STX7: variants seen among roughly 807,000 people sequenced by gnomAD.
STX7 encodes the protein syntaxin-7.
STX7 carries 34 observed loss-of-function variants against 39.6 expected under a neutral mutation model. That is an observed-to-expected ratio of 0.86 (90% CI 0.65 to 1.14). The LOEUF is 1.14. Among genes scored for constraint, STX7 ranks in the 50% most tolerant of loss-of-function variants. The pLI, the probability that STX7 is intolerant of heterozygous loss-of-function variation, is 0.00. For missense variants in STX7, 284 were observed against 310.4 expected (o/e 0.92, Z 0.64); for synonymous variants, 119 against 99.1 (o/e 1.20, Z -1.19).
chr6:132,461,890 C>T, intron 9 of STX7: 3 of 1,526,890 alleles, frequency 2.0e-6, no homozygotes, highest in South Asian at 1.2e-5. Flanking sequence ...TGTAAATTTA[C>T]TTTGTGTCAA....
chr6:132,495,141 C>G lies in STX7; in HGVS notation c.85+8305G>C, dbSNP rs533233630. On this transcript the variant is annotated intron_variant, in intron 2 of 9. Coordinates refer to ENST00000367941, the MANE Select transcript of STX7 (RefSeq NM_003569.3). ...AGATAGGAGAGTGAGGGATAAAGCT[C>G]CTTGAAGCATCTTGGAGCCACATCT... is the stretch of plus-strand genomic sequence containing the variant. Among the ~76,000 whole-genome samples the G allele has an allele frequency of 1.4e-4, 22 of 152,232 alleles. No individual in the cohort carries two copies. In the South Asian group the frequency reaches 1.5e-3, roughly 10 times the overall value.
chr6:132,462,346 G>A (rs1157662341), intron 9 of STX7, among the ~76,000 whole-genome samples: 2 of 152,196 alleles, frequency 1.3e-5, no homozygotes, highest in East Asian at 1.9e-4. Flanking sequence ...TCGGGAGCTG[G>A]GGGAATTAAG....
At chr6:132,484,987 G>C (rs1356475510) in intron 2 of STX7, among the ~76,000 whole-genome samples, 1 of 152,080 alleles carries the variant, frequency 6.6e-6, no homozygotes, top group African/African-American at 2.4e-5. Context: ...ATGAATAATA[G>C]GAATATTCTT....
intron 2 of STX7, among the ~76,000 whole-genome samples, chr6:132,488,648 A>AT (rs1412976646): frequency 6.6e-6 from 1 of 152,186 alleles, no homozygotes; most frequent in East Asian, 1.9e-4. Context: ...AATACTTAAT[A>AT]ATCTATGATA....
At chr6:132,498,558 T>G (rs571152757) in intron 2 of STX7, among the ~76,000 whole-genome samples, 1 of 152,348 alleles carries the variant, frequency 6.6e-6, no homozygotes, top group South Asian at 2.1e-4. Flanking sequence ...ATATTCTAAT[T>G]ACAGGTTACC....
rs1007483554 is a variant in STX7, at chr6:132,450,857, G to T, written c.*9901C>A. 5 of 151,612 alleles carry T rather than the reference G, an allele frequency of 3.3e-5. No homozygotes were observed. Among genetic ancestry groups the T allele is most frequent in the African/African-American group, 1.2e-4 (5 of 41,270 alleles). 9.4% of individuals were successfully genotyped at this position (151,612 alleles called of 1,614,324 possible). A position where few individuals can be genotyped will look rare whatever the true frequency, so the allele number is the denominator to read the frequency against. The stretch of plus-strand genomic sequence containing the variant: ...AGAAGAAAGAAGGAAGACTGAAAAA[G>T]TTCTTGAAAAAAATGACAGCTGAAA... On this transcript the variant is annotated 3_prime_UTR_variant, in exon 10 of 10. Transcript: ENST00000367941.
chr6:132,511,812 T>C (rs1301635729), intron 1 of STX7, among the ~76,000 whole-genome samples: 1 of 152,208 alleles, frequency 6.6e-6, no homozygotes, highest in South Asian at 2.1e-4. Context: ...AGACTTACTG[T>C]GAATATTTTC....
intron 2 of STX7, among the ~76,000 whole-genome samples, chr6:132,491,785 C>T (rs1265821117): frequency 6.6e-6 from 1 of 152,070 alleles, no homozygotes; most frequent in Non-Finnish European, 1.5e-5. Flanking sequence ...ACTTAGAAAT[C>T]ACCTCCTGCA....
Position 132,456,668 on chromosome 6 carries a change from A to C in STX7, c.*4090T>G, listed in dbSNP as rs1388335263. On this transcript the variant is annotated 3_prime_UTR_variant, in exon 10 of 10. Transcript: ENST00000367941. Reference sequence around the variant, plus strand: ...TTACCATCTAGAGCCAATGCTTCTAAATTTTTCCATCAAAGAATCTTTAAT... The same window carrying C: ...TTACCATCTAGAGCCAATGCTTCTACATTTTTCCATCAAAGAATCTTTAAT... 6.6e-6 allele frequency: 1 copy of C among 152,236 alleles called. No individual in the cohort carries two copies. The highest frequency in any genetic ancestry group is 1.5e-5 in the Non-Finnish European group (1 of 68,042). The allele number at this position is 152,236 out of a possible 1,614,324, so 9.4% of individuals were successfully genotyped here. A position where few individuals can be genotyped will look rare whatever the true frequency, so the allele number is the denominator to read the frequency against.
chr6:132,461,995 A>T, intron 9 of STX7: 1 of 838,380 alleles, frequency 1.2e-6, no homozygotes, highest in Non-Finnish European at 1.8e-6. Context: ...ATATTCATCT[A>T]ATTTTTCCAG....
chr6:132,460,906 G>C, intron 9 of STX7, 56 bp from the exon 10 acceptor site: 1 of 1,437,862 alleles, frequency 7.0e-7, no homozygotes, highest in South Asian at 1.2e-5. Context: ...ATTTAGTGGA[G>C]TACCTCTACA....
intron 2 of STX7, among the ~76,000 whole-genome samples, chr6:132,491,157 T>C (rs1255430816): frequency 6.6e-6 from 1 of 151,812 alleles, no homozygotes; most frequent in Non-Finnish European, 1.5e-5. Context: ...CAAAAGACTA[T>C]TTTAAAATGT....
intron 2 of STX7, among the ~76,000 whole-genome samples, chr6:132,479,758 A>G (rs1341363804): frequency 2.0e-5 from 3 of 152,224 alleles, no homozygotes; most frequent in Non-Finnish European, 4.4e-5. Flanking sequence ...GTTATACTCT[A>G]TTAAATCATT....
At chr6:132,491,104 T>A (rs1415304392) in intron 2 of STX7, among the ~76,000 whole-genome samples, 1 of 146,982 alleles carries the variant, frequency 6.8e-6, no homozygotes, top group African/African-American at 2.5e-5. Flanking sequence ...AAAATCAAAC[T>A]CATTCCATTG....
rs890751569 is a variant in STX7 at position 132,446,878 on chromosome 6, A to G, written c.*13880T>C. ...GACTGATTTATGTAAAGCAGTGCCT[A>G]TCATTTCTGCAGTTAGGATGGAGTC... On this transcript the variant is annotated 3_prime_UTR_variant, in exon 10 of 10. Coordinates refer to ENST00000367941, the MANE Select transcript of STX7 (RefSeq NM_003569.3). The G allele has an allele frequency of 1.3e-5, 2 of 152,168 alleles. No homozygotes were observed. Among genetic ancestry groups the G allele is most frequent in the Non-Finnish European group, 2.9e-5 (2 of 68,020 alleles). The allele number at this position is 152,168 out of a possible 1,614,324, so 9.4% of individuals were successfully genotyped here.
At chr6:132,498,120 G>A (rs1001903618) in intron 2 of STX7, among the ~76,000 whole-genome samples, 1 of 152,134 alleles carries the variant, frequency 6.6e-6, no homozygotes, top group Non-Finnish European at 1.5e-5. Flanking sequence ...CTGTTACGGA[G>A]TCAACGCTTT....
chr6:132,473,090 T>C (rs1424654405), intron 3 of STX7, among the ~76,000 whole-genome samples: 1 of 151,948 alleles, frequency 6.6e-6, no homozygotes, highest in Non-Finnish European at 1.5e-5. Flanking sequence ...ACATGGGAGG[T>C]GGAGGATGCA....
intron 1 of STX7, among the ~76,000 whole-genome samples, chr6:132,504,767 C>T (rs1412644341): frequency 6.6e-6 from 1 of 152,136 alleles, no homozygotes; most frequent in Admixed American, 6.5e-5. Flanking sequence ...ACGTGCTAGG[C>T]TAAAATGAGA....
chr6:132,482,225 G>A (rs926255248), intron 2 of STX7, among the ~76,000 whole-genome samples: 3 of 152,070 alleles, frequency 2.0e-5, no homozygotes, highest in Non-Finnish European at 2.9e-5. Context: ...TGATTCACTC[G>A]ACAAACATTT....
Sources: gnomAD v4.1 joint callset for allele counts (sites outside exome capture counted in the v4.1 genomes callset) on GRCh38, gnomAD v4.1.1 for gene constraint, MANE v1.5 for transcripts, NCBI Gene and HGNC (gene_info 2026-07-23, HGNC 2026-07-21) for gene names.